Variants in EIF4EBP1 observed in about 807,000 individuals in gnomAD.
EIF4EBP1 encodes the protein eukaryotic translation initiation factor 4E-binding protein 1.
EIF4EBP1 carries 5 observed loss-of-function variants against 9.2 expected under a neutral mutation model. That is an observed-to-expected ratio of 0.54 (90% CI 0.28 to 1.14). The LOEUF (loss-of-function observed/expected upper bound fraction) is 1.14, where lower values mean the gene tolerates loss of function less well. Among genes scored for constraint, EIF4EBP1 ranks in the 50% most tolerant of loss-of-function variants. The probability of loss-of-function intolerance (pLI) is 0.09; values close to 1 mark genes in which losing one functional copy is unlikely to be tolerated. For synonymous variants in EIF4EBP1, 62 were observed against 67.0 expected (o/e 0.93, Z 0.36); for missense variants, 139 against 169.6 (o/e 0.82, Z 1.00).
chr8:38,048,696 C>T (rs1370684103), intron 1 of EIF4EBP1, among the ~76,000 whole-genome samples: 1 of 152,080 alleles, frequency 6.6e-6, no homozygotes, highest in Non-Finnish European at 1.5e-5. Flanking sequence ...TCTCTATGGC[C>T]AGGTGCAGTG....
chr8:38,050,587 C>G (rs1262740471), intron 1 of EIF4EBP1, among the ~76,000 whole-genome samples: 2 of 152,128 alleles, frequency 1.3e-5, no homozygotes, highest in East Asian at 3.8e-4. Flanking sequence ...TGGGCTCAAG[C>G]AATCCGCCTG....
At chr8:38,039,054 A>T (rs537406751) in intron 1 of EIF4EBP1, among the ~76,000 whole-genome samples, 2 of 151,540 alleles carry the variant, frequency 1.3e-5, no homozygotes, top group African/African-American at 4.8e-5. Flanking sequence ...AACCACACCC[A>T]GCTAATTTTG....
Position 38,060,252 on chromosome 8 carries a change from C to A in EIF4EBP1, c.*317C>A, listed in dbSNP as rs1467135848. The A allele has an allele frequency of 2.0e-5, 6 of 300,512 alleles. No individual in the cohort carries two copies. Among genetic ancestry groups the A allele is most frequent in the South Asian group, 1.4e-4 (4 of 28,012 alleles). 18.6% of individuals were successfully genotyped at this position (300,512 alleles called of 1,614,324 possible). The stretch of plus-strand genomic sequence containing the variant: ...TTCCGAATGATCAGCAGTTCCAGCC[C>A]CTCGCTGCTGGGGGCGCAACCACCC... On this transcript the variant is annotated 3_prime_UTR_variant, in exon 3 of 3. Coordinates refer to ENST00000338825, the MANE Select transcript of EIF4EBP1 (RefSeq NM_004095.4).
At chr8:38,042,188 C>G (rs531371847) in intron 1 of EIF4EBP1, among the ~76,000 whole-genome samples, 2 of 152,266 alleles carry the variant, frequency 1.3e-5, no homozygotes, top group South Asian at 4.1e-4. Flanking sequence ...CCCAGCACTA[C>G]CATGTGAATA....
chr8:38,048,073 C>A (rs1166766028), intron 1 of EIF4EBP1, among the ~76,000 whole-genome samples: 1 of 151,946 alleles, frequency 6.6e-6, no homozygotes, highest in African/African-American at 2.4e-5. Flanking sequence ...TCCAGCCCAC[C>A]CTAGGCAACA....
chr8:38,038,124 G>A lies in EIF4EBP1; in HGVS notation c.145+7406G>A, dbSNP rs566225466. Among the ~76,000 whole-genome samples the A allele has an allele frequency of 6.1e-4, 93 of 152,148 alleles. 1 individual carries two copies. The highest frequency in any genetic ancestry group is 2.0e-3 in the African/African-American group (85 of 41,522). On this transcript the variant is annotated intron_variant, in intron 1 of 2. Transcript: ENST00000338825. ...ACTTATCCTCATACAGATAGTCCCC[G>A]ATTATGATGGTGTGACTACAATTTT...
intron 1 of EIF4EBP1, among the ~76,000 whole-genome samples, chr8:38,036,592 C>A (rs1488134686): frequency 6.6e-6 from 1 of 151,992 alleles, no homozygotes; most frequent in African/African-American, 2.4e-5. Flanking sequence ...CATAAAGTAG[C>A]GAGGCATTTT....
chr8:38,045,163 C>A lies in EIF4EBP1; in HGVS notation c.146-11918C>A, dbSNP rs150035251. Reference sequence around the variant, plus strand: ...TTTATTTAATCTTCACGATACTCCTCTGAGGTGTGGATTTTGTTATTCCCT... The same window carrying A: ...TTTATTTAATCTTCACGATACTCCTATGAGGTGTGGATTTTGTTATTCCCT... On this transcript the variant is annotated intron_variant, in intron 1 of 2. Transcript: ENST00000338825. 1.8e-3 allele frequency among the ~76,000 whole-genome samples: 269 copies of A among 152,304 alleles called. 1 individual carries two copies. The highest frequency in any genetic ancestry group is 6.0e-3 in the African/African-American group (249 of 41,566).
chr8:38,043,792 G>C (rs1809415308), intron 1 of EIF4EBP1, among the ~76,000 whole-genome samples: 1 of 152,110 alleles, frequency 6.6e-6, no homozygotes, highest in Non-Finnish European at 1.5e-5. Flanking sequence ...TCTCTTTGTG[G>C]AGGTCAGCGG....
chr8:38,033,604 A>G (rs1183415156), intron 1 of EIF4EBP1, among the ~76,000 whole-genome samples: 1 of 150,970 alleles, frequency 6.6e-6, no homozygotes, highest in East Asian at 1.9e-4. Context: ...AGGGACTGTC[A>G]GCTTCTCAGG....
Position 38,051,611 on chromosome 8 carries a change from T to C in EIF4EBP1, c.146-5470T>C, listed in dbSNP as rs906262799. On this transcript the variant is annotated intron_variant, in intron 1 of 2. Transcript: ENST00000338825. The stretch of plus-strand genomic sequence containing the variant: ...TCCTTTTATTTATATTTTTTTTTAT[T>C]TTTTTGTGACAGAGTCGTGCTCTGT... Among the ~76,000 whole-genome samples the C allele has an allele frequency of 2.0e-5, 3 of 152,236 alleles. No homozygotes were observed. In the East Asian group the frequency reaches 5.8e-4, roughly 29 times the overall value.
chr8:38,058,303 G>A (rs1260101710), intron 2 of EIF4EBP1, among the ~76,000 whole-genome samples: 2 of 152,168 alleles, frequency 1.3e-5, no homozygotes, highest in African/African-American at 4.8e-5. Flanking sequence ...GCCTCCTGCT[G>A]CATCATAACA....
intron 2 of EIF4EBP1, among the ~76,000 whole-genome samples, chr8:38,057,835 C>T (rs1047456409): frequency 6.6e-6 from 1 of 152,158 alleles, no homozygotes. Flanking sequence ...CCCCACCTCC[C>T]GAGTAATTAG....
intron 1 of EIF4EBP1, among the ~76,000 whole-genome samples, chr8:38,038,506 T>TC (rs1809333790): frequency 2.1e-4 from 3 of 14,068 alleles, no homozygotes; most frequent in African/African-American, 5.2e-4. Context: ...AGACTCCATC[T>TC]CAAAAAAAAA....
chr8:38,044,533 G>A (rs1053872109), intron 1 of EIF4EBP1, among the ~76,000 whole-genome samples: 1 of 152,134 alleles, frequency 6.6e-6, no homozygotes, highest in East Asian at 1.9e-4. Context: ...CAAACTCCTG[G>A]GCTAAAGCGA....
intron 1 of EIF4EBP1, among the ~76,000 whole-genome samples, chr8:38,040,631 C>G (rs1809364698): frequency 6.6e-6 from 1 of 152,182 alleles, no homozygotes; most frequent in South Asian, 2.1e-4. Flanking sequence ...ATGGTCTTAC[C>G]CATACATCTG....
chr8:38,038,048 C>G (rs377750606), intron 1 of EIF4EBP1, among the ~76,000 whole-genome samples: 3 of 152,038 alleles, frequency 2.0e-5, no homozygotes, highest in African/African-American at 7.2e-5. Context: ...ACTGGGATTA[C>G]AGGCGTGAGC....
At chr8:38,057,433 C>T (rs1809614102) in intron 2 of EIF4EBP1, among the ~76,000 whole-genome samples, 173 bp downstream of exon 2, 1 of 152,174 alleles carries the variant, frequency 6.6e-6, no homozygotes, top group South Asian at 2.1e-4. Context: ...AGGTTGAACT[C>T]TTCATTGGTA....
At chr8:38,055,617 A>G (rs1398934256) in intron 1 of EIF4EBP1, among the ~76,000 whole-genome samples, 2 of 151,196 alleles carry the variant, frequency 1.3e-5, no homozygotes, top group Non-Finnish European at 2.9e-5. Flanking sequence ...ATATATTATT[A>G]TATTATTGTA....
Sources: gnomAD v4.1 joint callset for allele counts (sites outside exome capture counted in the v4.1 genomes callset) on GRCh38, gnomAD v4.1.1 for gene constraint, MANE v1.5 for transcripts, NCBI Gene and HGNC (gene_info 2026-07-23, HGNC 2026-07-21) for gene names.